Variants in GLB1L observed in about 807,000 individuals in gnomAD.
The protein encoded by GLB1L is beta-galactosidase-1-like protein.
Under a neutral mutation model 75.7 loss-of-function variants are expected in GLB1L, and 58 were observed. The observed-to-expected ratio is 0.77, with a 90% confidence interval of 0.62 to 0.95. The LOEUF is 0.95. Among genes scored for constraint, GLB1L ranks in the 40% least tolerant of loss-of-function variants. The pLI, the probability that GLB1L is intolerant of heterozygous loss-of-function variation, is 0.00. For synonymous variants in GLB1L, 296 were observed against 303.0 expected, an observed-to-expected ratio of 0.98 and a Z score of 0.24; for missense variants, 797 against 805.5, an observed-to-expected ratio of 0.99 and a Z score of 0.13.
Position 219,239,133 on chromosome 2 carries a change from G to A in GLB1L, c.1021C>T (p.Pro341Ser). The change falls in exon 11 of 17, where the codon CCC (proline) becomes TCC (serine). Residue 341 changes from proline (P) to serine (S), a missense_variant. By Grantham distance (74) the Pro-to-Ser change is moderately conservative (BLOSUM62 -1). Transcript: ENST00000295759. ...CGAAGAGCAAAAAGCTTAGGTGTGG[G>A]GTCCCCTGCTTCAGATATAGGTGCA... is the stretch of plus-strand genomic sequence containing the variant. ...YDAPISEAGDPTPKLFALRDV... is the reference protein window; with the variant it reads ...YDAPISEAGDSTPKLFALRDV... 6.2e-7 allele frequency: 1 copy of A among 1,613,970 alleles called. No homozygotes were observed. The highest frequency in any genetic ancestry group is 8.5e-7 in the Non-Finnish European group (1 of 1,179,882).
intron 11 of GLB1L, 34 bp from the exon 12 acceptor site, chr2:219,238,813 AC>A: frequency 6.4e-7 from 1 of 1,570,430 alleles, no homozygotes; most frequent in Non-Finnish European, 8.7e-7. Flanking sequence ...CCATAGGAAA[AC>A]CACAGAAAAC....
chr2:219,238,507 C>T lies in GLB1L; in HGVS notation c.1215G>A (p.Glu405=). ...GTTTATGCCTTACCTGCTTGACAGC[C>T]TCAAAGGTCATTGGCAAGATTGAAT... is the stretch of plus-strand genomic sequence containing the variant. ...PIHSILPMTF[E]AVKQDHGFML... Residue 405 remains glutamate (E), a synonymous_variant, in exon 13 of 17, where the codon GAG becomes GAA. Transcript: ENST00000295759. 1 of 1,614,030 alleles carries T rather than the reference C, an allele frequency of 6.2e-7. No homozygotes were observed. The highest frequency in any genetic ancestry group is 2.2e-5 in the East Asian group (1 of 44,884).
At position 219,237,136 on chromosome 2, in the gene GLB1L, T is replaced by G; in HGVS notation, c.1901A>C (p.His634Pro). The change falls in exon 17 of 17, where the codon CAT becomes CCT. Residue 634 changes from histidine to proline, a missense_variant. Transcript: ENST00000295759. ...TGTATCAGCTGAAAGGGAATTGATATGTGTCCTGTGCAAAGTACTAGTGCT... is the reference window on the plus strand; with the variant it reads ...TGTATCAGCTGAAAGGGAATTGATAGGTGTCCTGTGCAAAGTACTAGTGCT... ...LNSTSTLHRT[H>P]INSLSADTLS... 6.2e-7 allele frequency: 1 copy of G among 1,614,098 alleles called. No homozygotes were observed. The highest frequency in any genetic ancestry group is 8.5e-7 in the Non-Finnish European group (1 of 1,179,940).
chr2:219,238,902 A>G, intron 11 of GLB1L, 123 bp from the exon 12 acceptor site: 2 of 909,532 alleles, frequency 2.2e-6, no homozygotes, highest in South Asian at 1.6e-5. Flanking sequence ...TGGAGGCTCA[A>G]TAATTTTGCA....
In GLB1L at chr2:219,243,333, G is replaced by C. The variant is rs774500291; in HGVS notation, c.73-19C>G. On this transcript the variant is annotated intron_variant, in intron 2 of 16. Coordinates refer to ENST00000295759, the MANE Select transcript of GLB1L (RefSeq NM_001286423.2). ...TGTCTGCCTATAAAGAGAAAGAGAC[G>C]CTGCTCAGCAGACGCCTGGAGGGAG... 2.5e-6 allele frequency: 4 copies of C among 1,588,442 alleles called. No individual in the cohort carries two copies. The highest frequency in any genetic ancestry group is 3.4e-6 in the Non-Finnish European group (4 of 1,163,680).
chr2:219,238,477 T>A lies in GLB1L; in HGVS notation c.1227+18A>T. The A allele has an allele frequency of 6.2e-7, 1 of 1,607,874 alleles. No homozygotes were observed. ...AAGGGAGGTTGTCATCTCCACCAGA[T>A]GTGGGTTTATGCCTTACCTGCTTGA... On this transcript the variant is annotated intron_variant, in intron 13 of 16. Transcript: ENST00000295759.
At chr2:219,241,217 A>G (rs1337507046) in intron 5 of GLB1L, among the ~76,000 whole-genome samples, 1 of 151,400 alleles carries the variant, frequency 6.6e-6, no homozygotes, top group Admixed American at 6.6e-5. Context: ...CATCTCTACT[A>G]AAAATACAAA....
intron 2 of GLB1L, 74 bp downstream of exon 2, chr2:219,243,428 T>C (rs1951446949): frequency 6.2e-7 from 1 of 1,602,242 alleles, no homozygotes; most frequent in Non-Finnish European, 8.6e-7. Context: ...GGTTGTTACT[T>C]TGGACTTTCT....
chr2:219,240,086 A>C lies in GLB1L; in HGVS notation c.555T>G (p.Asn185Lys). 1 of 1,614,114 alleles carries C rather than the reference A, an allele frequency of 6.2e-7. No homozygotes were observed. Among genetic ancestry groups the C allele is most frequent in the Non-Finnish European group, 8.5e-7 (1 of 1,180,044 alleles). The stretch of plus-strand genomic sequence containing the variant: ...CACAGGCTCTGTAGCTACCATATTC[A>C]TTCTCCACCTGCCAGAGGGGAGGGA... ...GGNIISIQVENEYGSYRACDF... is the reference protein window; with the variant it reads ...GGNIISIQVEKEYGSYRACDF... The change falls in exon 7 of 17, where the codon AAT (asparagine) becomes AAG (lysine). Residue 185 changes from asparagine to lysine, a missense_variant. Coordinates refer to ENST00000295759, the MANE Select transcript of GLB1L (RefSeq NM_001286423.2).
chr2:219,241,440 G>GTATATATA (rs1156460315), intron 5 of GLB1L, among the ~76,000 whole-genome samples: 7 of 85,526 alleles, frequency 8.2e-5, no homozygotes, highest in East Asian at 5.4e-4. Context: ...GTGTGTGTGT[G>GTATATATA]TGTATATATA....
chr2:219,239,147 GA>G lies in GLB1L; in HGVS notation c.1006del (p.Ser336LeufsTer35). 1 of 1,614,186 alleles carries G rather than the reference GA, an allele frequency of 6.2e-7. No homozygotes were observed. The highest frequency in any genetic ancestry group is 8.5e-7 in the Non-Finnish European group (1 of 1,180,006). ...CTTAGGTGTGGGGTCCCCTGCTTCA[GA>G]TATAGGTGCATCATAGTCATAGCTG... is the stretch of plus-strand genomic sequence containing the variant. ...TTSYDYDAPI[S>X]EAGDPTPKLF... On this transcript the variant is annotated frameshift_variant, in exon 11 of 17. Coordinates refer to ENST00000295759, the MANE Select transcript of GLB1L (RefSeq NM_001286423.2). LOFTEE classifies it high-confidence loss of function.
chr2:219,239,143 T>C lies in GLB1L; in HGVS notation c.1011A>G (p.Glu337=). The change falls in exon 11 of 17, where the codon GAA becomes GAG. Residue 337 remains glutamate (E), a synonymous_variant. Coordinates refer to ENST00000295759, the MANE Select transcript of GLB1L (RefSeq NM_001286423.2). ...AAAGCTTAGGTGTGGGGTCCCCTGC[T>C]TCAGATATAGGTGCATCATAGTCAT... ...TSYDYDAPIS[E]AGDPTPKLFA... is the part of the protein sequence containing the mutation. 1 of 1,614,166 alleles carries C rather than the reference T, an allele frequency of 6.2e-7. No individual in the cohort carries two copies. The highest frequency in any genetic ancestry group is 8.5e-7 in the Non-Finnish European group (1 of 1,180,004).
rs368363660 is a variant in GLB1L at position 219,237,374 on chromosome 2, G to C, written c.1690-27C>G. On this transcript the variant is annotated intron_variant, in intron 16 of 16. Coordinates refer to ENST00000295759, the MANE Select transcript of GLB1L (RefSeq NM_001286423.2). Reference sequence around the variant, plus strand: ...TGGGGAATAGGGAGCAGGAAAGAGGGGAAAAGAAAGGGTCAGCTCTCCAGG... The same window carrying C: ...TGGGGAATAGGGAGCAGGAAAGAGGCGAAAAGAAAGGGTCAGCTCTCCAGG... The C allele has an allele frequency of 1.1e-4, 169 of 1,606,780 alleles. No individual in the cohort carries two copies. The African/African-American group carries it at 1.4e-3, about 13-fold the overall frequency.
intron 6 of GLB1L, 33 bp from the exon 7 acceptor site, chr2:219,240,127 A>G (rs1951350091): frequency 6.2e-7 from 1 of 1,613,888 alleles, no homozygotes; most frequent in Non-Finnish European, 8.5e-7. Context: ...GAACCCAGCT[A>G]TGGGATGGAG....
chr2:219,240,152 G>T, intron 6 of GLB1L, 39 bp downstream of exon 6: 1 of 1,612,312 alleles, frequency 6.2e-7, no homozygotes, highest in Non-Finnish European at 8.5e-7. Context: ...AGGACCCCTT[G>T]TACCTTCTTC....
At chr2:219,240,407 G>A (rs1275331999) in intron 5 of GLB1L, 122 bp from the exon 6 acceptor site, 4 of 812,642 alleles carry the variant, frequency 4.9e-6, no homozygotes, top group Admixed American at 4.2e-5. Context: ...ATATTTGCAC[G>A]CCAATGAAAT....
rs200348120 is a variant in GLB1L at position 219,238,689 on chromosome 2, A to C, written c.1137+16T>G. ...AAAAAGGTGTGGTATAAGAGAAAAG[A>C]TGTGGAGGAACTTACCAGGTGCAGA... On this transcript the variant is annotated intron_variant, in intron 12 of 16. Transcript: ENST00000295759. 1.2e-6 allele frequency: 2 copies of C among 1,600,870 alleles called. No individual in the cohort carries two copies. The highest frequency in any genetic ancestry group is 2.7e-5 in the African/African-American group (2 of 74,716).
At chr2:219,242,611 G>C in intron 4 of GLB1L, 37 bp from the exon 5 acceptor site, 1 of 1,594,684 alleles carries the variant, frequency 6.3e-7, no homozygotes, top group Non-Finnish European at 8.6e-7. Flanking sequence ...AAGCATGTAG[G>C]TTTTGTTTTG....
rs757564530 is a variant in GLB1L, at chr2:219,242,865, C to A, written c.293G>T (p.Gly98Val). 4 of 1,614,194 alleles carry A rather than the reference C, an allele frequency of 2.5e-6. No individual in the cohort carries two copies. Among genetic ancestry groups the A allele is most frequent in the Admixed American group, 3.3e-5 (2 of 60,026 alleles). Residue 98 changes from glycine (G) to valine (V), a missense_variant, in exon 4 of 17, where the codon GGC becomes GTC. Gly to Val is a moderately radical substitution (Grantham distance 109, BLOSUM62 -3). Coordinates refer to ENST00000295759, the MANE Select transcript of GLB1L (RefSeq NM_001286423.2). ...CAGAAAGGCAATGAGGTCCCGGCTGCCATTAAAGTTATAGACCCCAGGCTG... is the reference window on the plus strand; with the variant it reads ...CAGAAAGGCAATGAGGTCCCGGCTGACATTAAAGTTATAGACCCCAGGCTG... ...EPQPGVYNFN[G>V]SRDLIAFLNE...
Sources: gnomAD v4.1 joint callset for allele counts (sites outside exome capture counted in the v4.1 genomes callset) on GRCh38, gnomAD v4.1.1 for gene constraint, MANE v1.5 for transcripts, NCBI Gene and HGNC (gene_info 2026-07-23, HGNC 2026-07-21) for gene names.